The following TAF4B variants were observed in gnomAD, a reference collection of about 807,000 sequenced individuals.
TAF4B encodes transcription initiation factor TFIID subunit 4B.
TAF4B carries 38 observed loss-of-function variants against 86.4 expected under a neutral mutation model. The ratio of observed to expected loss-of-function variants is 0.44; its 90% CI spans 0.34 to 0.58. The LOEUF (loss-of-function observed/expected upper bound fraction) is 0.58, where lower values mean the gene tolerates loss of function less well. Ranked by LOEUF, TAF4B falls within the 20% of genes least tolerant of loss-of-function variation. The pLI is 0.02. For synonymous variants in TAF4B, 388 were observed against 391.2 expected, an observed-to-expected ratio of 0.99 and a Z score of 0.10; for missense variants, 988 against 1,027.6, an observed-to-expected ratio of 0.96 and a Z score of 0.53.
At chr18:26,291,192 C>T (rs898368014) in intron 7 of TAF4B, among the ~76,000 whole-genome samples, 2 of 152,016 alleles carry the variant, frequency 1.3e-5, no homozygotes, top group African/African-American at 4.8e-5. Context: ...TTATATTTGC[C>T]ATATATGAGT....
chr18:26,361,216 C>A (rs551928637), intron 14 of TAF4B, among the ~76,000 whole-genome samples: 178 of 152,012 alleles, frequency 1.2e-3, no homozygotes, highest in African/African-American at 4.1e-3. Context: ...CATTTCTGTG[C>A]CAGCCCCTAG....
At chr18:26,372,574 T>C (rs1349376878) in intron 14 of TAF4B, among the ~76,000 whole-genome samples, 2 of 152,210 alleles carry the variant, frequency 1.3e-5, no homozygotes, top group South Asian at 2.1e-4. Context: ...TTAAGTCTTA[T>C]GACGTATCAA....
chr18:26,303,422 C>G (rs561034409), intron 9 of TAF4B, among the ~76,000 whole-genome samples: 34 of 111,878 alleles, frequency 3.0e-4, no homozygotes, highest in Middle Eastern at 5.6e-3. Context: ...CATCCTCCCT[C>G]CACTTTCATC....
intron 14 of TAF4B, among the ~76,000 whole-genome samples, chr18:26,368,880 T>C (rs1238576268): frequency 6.6e-6 from 1 of 152,210 alleles, no homozygotes. Context: ...CTATGAAATA[T>C]GTTAAGTTGC....
chr18:26,250,225 C>CG (rs2055985102), intron 1 of TAF4B, among the ~76,000 whole-genome samples: 1 of 151,824 alleles, frequency 6.6e-6, no homozygotes, highest in Admixed American at 6.6e-5. Context: ...GTGCTGGGCG[C>CG]GGTGGCTCAC....
At chr18:26,299,155 C>T (rs369775649) in intron 9 of TAF4B, among the ~76,000 whole-genome samples, 5 of 152,200 alleles carry the variant, frequency 3.3e-5, no homozygotes, top group Admixed American at 2.6e-4. Flanking sequence ...GCCACCATGC[C>T]CAGCCCTTTT....
At chr18:26,258,334 G>C (rs941314689) in intron 1 of TAF4B, among the ~76,000 whole-genome samples, 7 of 151,840 alleles carry the variant, frequency 4.6e-5, no homozygotes, top group African/African-American at 1.7e-4. Context: ...GTCTTTTCTG[G>C]ATTTTCTTCA....
At chr18:26,332,260 G>A (rs2057056082) in intron 12 of TAF4B, among the ~76,000 whole-genome samples, 1 of 152,180 alleles carries the variant, frequency 6.6e-6, no homozygotes, top group Admixed American at 6.5e-5. Context: ...TACCTGCAAA[G>A]ATATGTTTTG....
At chr18:26,301,294 T>G (rs1568138703) in intron 9 of TAF4B, among the ~76,000 whole-genome samples, 1 of 142,436 alleles carries the variant, frequency 7.0e-6, no homozygotes, top group Admixed American at 6.9e-5. Context: ...TTGTTGTTGT[T>G]TTTTTTTTTT....
intron 14 of TAF4B, chr18:26,366,406 C>G (rs2057371526): frequency 6.6e-6 from 1 of 152,070 alleles, no homozygotes; most frequent in Admixed American, 6.6e-5. Flanking sequence ...AAAGTGAGCA[C>G]GCCAGCATTC....
At chr18:26,304,843 T>TA (rs1364695625) in intron 9 of TAF4B, 2 of 985,338 alleles carry the variant, frequency 2.0e-6, no homozygotes, top group Non-Finnish European at 2.4e-6. Flanking sequence ...CTAGTCCACT[T>TA]ACTGCCTGAA....
chr18:26,295,464 C>T (rs538161890), intron 9 of TAF4B: 19 of 173,164 alleles, frequency 1.1e-4, no homozygotes, highest in Admixed American at 4.9e-4. Context: ...AAGGAGCACA[C>T]AACCTAGATC....
At chr18:26,328,906 G>A (rs954430608) in intron 12 of TAF4B, among the ~76,000 whole-genome samples, 20 of 151,896 alleles carry the variant, frequency 1.3e-4, no homozygotes, top group African/African-American at 4.3e-4. Flanking sequence ...CTGAGCCACC[G>A]TGTCCAGCCT....
chr18:26,311,368 C>T (rs2056852075), intron 9 of TAF4B, among the ~76,000 whole-genome samples: 1 of 152,150 alleles, frequency 6.6e-6, no homozygotes, highest in Admixed American at 6.6e-5. Flanking sequence ...GGCGTGGTGG[C>T]TCACACCTGT....
At chr18:26,388,662 G>A (rs2144413599) in intron 14 of TAF4B, among the ~76,000 whole-genome samples, 1 of 152,336 alleles carries the variant, frequency 6.6e-6, no homozygotes, top group South Asian at 2.1e-4. Flanking sequence ...CCTATTGGCA[G>A]AGGAGCCATG....
chr18:26,313,866 C>G (rs2144661931), intron 9 of TAF4B, among the ~76,000 whole-genome samples: 1 of 152,174 alleles, frequency 6.6e-6, no homozygotes, highest in East Asian at 1.9e-4. Context: ...TGGTATCTCC[C>G]TATGTTGCCC....
chr18:26,230,089 G>T (rs2055642828), intron 1 of TAF4B, among the ~76,000 whole-genome samples: 1 of 152,002 alleles, frequency 6.6e-6, no homozygotes. Flanking sequence ...ATTAATAAAA[G>T]GTTTTCAGTA....
Position 26,286,275 on chromosome 18 carries a change from G to A in TAF4B, c.1366G>A (p.Val456Ile), listed in dbSNP as rs577643770. Residue 456 changes from valine (V) to isoleucine (I), a missense_variant, in exon 7 of 15, where the codon GTT becomes ATT. Val to Ile is a conservative substitution (Grantham distance 29). Around this residue, in one of 3 missense-constraint regions of TAF4B, gnomAD observed 747 missense variants for 737.9 expected, o/e 1.01. Coordinates refer to ENST00000269142, the MANE Select transcript of TAF4B (RefSeq NM_005640.3). ...TTVSLQPEKPVVSGTAVTLSL... is the reference protein window; with the variant it reads ...TTVSLQPEKPIVSGTAVTLSL... The stretch of plus-strand genomic sequence containing the variant: ...GGTCTCACTGCAACCTGAAAAGCCA[G>A]TTGTCTCTGGAACAGCAGTAACACT... 3.1e-5 allele frequency: 50 copies of A among 1,614,226 alleles called. 1 individual carries two copies. The South Asian group carries it at 5.3e-4, about 17-fold the overall frequency.
In TAF4B at chr18:26,256,190, A is replaced by G. The variant is rs938636917; in HGVS notation, c.344-8980A>G. ...TCTTCCATCTTTTCACAAGCAGGAC[A>G]CAGGCATTGCAGATGTCTCCTGAAG... On this transcript the variant is annotated intron_variant, in intron 1 of 14. Coordinates refer to ENST00000269142, the MANE Select transcript of TAF4B (RefSeq NM_005640.3). 3.1e-6 allele frequency: 5 copies of G among 1,610,698 alleles called. No individual in the cohort carries two copies. The African/African-American group carries it at 6.7e-5, about 22-fold the overall frequency.
Sources: gnomAD v4.1 joint callset for allele counts (sites outside exome capture counted in the v4.1 genomes callset) on GRCh38, gnomAD v4.1.1 for gene constraint, gnomAD v4.1.1 regional missense constraint, MANE v1.5 for transcripts, NCBI Gene and HGNC (gene_info 2026-07-23, HGNC 2026-07-21) for gene names.